Variants in XCR1 observed in about 807,000 individuals in gnomAD.
XCR1 encodes X-C motif chemokine receptor 1.
For synonymous variants in XCR1, 187 were observed against 188.5 expected (o/e 0.99, Z 0.06); for missense variants, 356 against 424.2 (o/e 0.84, Z 1.41).
chr3:46,083,117 G>A (rs115985316), intron 1 of XCR1, among the ~76,000 whole-genome samples: 109 of 152,266 alleles, frequency 7.2e-4, no homozygotes, highest in African/African-American at 2.6e-3. Flanking sequence ...TCACTGCTGC[G>A]TTACTCACTA....
intron 4 of XCR1, among the ~76,000 whole-genome samples, chr3:46,063,075 G>C (rs1697995772): frequency 6.6e-6 from 1 of 152,184 alleles, no homozygotes; most frequent in Non-Finnish European, 1.5e-5. Context: ...CATTTTCTTA[G>C]AATTGCTATT....
intron 1 of XCR1, among the ~76,000 whole-genome samples, chr3:46,078,134 G>A (rs1698293870): frequency 1.3e-5 from 2 of 152,132 alleles, no homozygotes; most frequent in Non-Finnish European, 2.9e-5. Flanking sequence ...GGCTGGATGC[G>A]GCACTCCCCA....
At chr3:46,024,863 A>G (rs1708255711) in intron 1 of XCR1, among the ~76,000 whole-genome samples, 1 of 152,232 alleles carries the variant, frequency 6.6e-6, no homozygotes, top group African/African-American at 2.4e-5. Context: ...AAGTAATGCT[A>G]GTTGGCAGTA....
intron 4 of XCR1, among the ~76,000 whole-genome samples, chr3:46,056,656 A>T (rs968468263): frequency 5.2e-4 from 64 of 123,060 alleles, no homozygotes; most frequent in Non-Finnish European, 1.0e-3. Context: ...GTATTTATTT[A>T]TTTTTTTTTT....
At chr3:46,023,544 A>T (rs992780850) in intron 1 of XCR1, 3 of 1,540,876 alleles carry the variant, frequency 1.9e-6, no homozygotes, top group Non-Finnish European at 1.8e-6. Flanking sequence ...GTGAGGAAAG[A>T]TTGAAAGCCT....
At chr3:46,027,386 A>G (rs1708317162) in intron 1 of XCR1, 31 bp downstream of exon 1, 1 of 152,148 alleles carries the variant, frequency 6.6e-6, no homozygotes, top group African/African-American at 2.4e-5. Context: ...AGAGGAAAAC[A>G]TAAGTTTAAA....
intron 5 of XCR1, among the ~76,000 whole-genome samples, chr3:46,048,091 G>C (rs1407946619): frequency 6.6e-6 from 1 of 152,168 alleles, no homozygotes; most frequent in Admixed American, 6.5e-5. Context: ...AGCTATGGCT[G>C]AGTGACGTTT....
chr3:46,061,719 G>A (rs1697966123), intron 4 of XCR1, among the ~76,000 whole-genome samples: 1 of 152,164 alleles, frequency 6.6e-6, no homozygotes, highest in Admixed American at 6.5e-5. Context: ...GGAATATGGG[G>A]AGTTAGAGGT....
At chr3:46,083,386 C>T (rs775382519) in intron 1 of XCR1, among the ~76,000 whole-genome samples, 5 of 152,174 alleles carry the variant, frequency 3.3e-5, no homozygotes, top group East Asian at 1.9e-4. Flanking sequence ...TAGGATATTT[C>T]GTTACCCTTC....
rs745493157 is a variant in XCR1 at position 46,021,290 on chromosome 3, G to A, written c.658C>T (p.Arg220Cys). The part of the protein sequence containing the change: ...RTLFRSRSKR[R>C]HRTVKLIFAI... ...AAGATGAGCTTGACCGTGCGGTGGC[G>A]CCGCTTGGAGCGTGAGCGGAACAGG... is the stretch of plus-strand genomic sequence containing the variant. Residue 220 changes from arginine (R) to cysteine (C), a missense_variant, in exon 2 of 2, where the codon CGC (arginine) becomes TGC (cysteine). Coordinates refer to ENST00000309285, the MANE Select transcript of XCR1 (RefSeq NM_001024644.2). The surrounding 1 kb of genome is among the most constrained non-coding windows in gnomAD (Gnocchi z 4.7). The A allele has an allele frequency of 3.0e-5, 49 of 1,614,030 alleles. No individual in the cohort carries two copies. Among genetic ancestry groups the A allele is most frequent in the East Asian group, 4.5e-5 (2 of 44,888 alleles).
At chr3:46,030,252 G>A (rs535135455), upstream of XCR1, among the ~76,000 whole-genome samples, 2 of 152,170 alleles carry the variant, frequency 1.3e-5, no homozygotes, top group Non-Finnish European at 2.9e-5. Flanking sequence ...CTGATCTTAG[G>A]AGAAAAGCTT....
intron 1 of XCR1, among the ~76,000 whole-genome samples, chr3:46,083,781 T>C (rs142431315): frequency 1.3e-5 from 2 of 152,342 alleles, no homozygotes; most frequent in East Asian, 3.9e-4. Context: ...TACCTCTTGT[T>C]GTATATACAT....
chr3:46,083,829 A>G (rs1485652174), intron 1 of XCR1, among the ~76,000 whole-genome samples: 2 of 152,224 alleles, frequency 1.3e-5, no homozygotes, highest in Non-Finnish European at 2.9e-5. Context: ...CCTAGGAAAA[A>G]TCAGGGAAGA....
Position 46,020,940 on chromosome 3 carries a change from G to T in XCR1, c.*6C>A. The stretch of plus-strand genomic sequence containing the variant: ...CTGCACCTGCGCCTGCACCGCCACA[G>T]GCCCCTCAGTAGAAGGAGGCGCCCT... On this transcript the variant is annotated 3_prime_UTR_variant, in exon 2 of 2. Coordinates refer to ENST00000309285, the MANE Select transcript of XCR1 (RefSeq NM_001024644.2). The T allele has an allele frequency of 6.2e-7, 1 of 1,609,956 alleles. No homozygotes were observed. Among genetic ancestry groups the T allele is most frequent in the South Asian group, 1.1e-5 (1 of 90,486 alleles).
chr3:46,084,337 T>A (rs187807491), intron 1 of XCR1, among the ~76,000 whole-genome samples: 4 of 152,354 alleles, frequency 2.6e-5, no homozygotes, highest in Non-Finnish European at 4.4e-5. Flanking sequence ...AGGAAACTTT[T>A]AATCATAGGA....
upstream of XCR1, among the ~76,000 whole-genome samples, chr3:46,029,657 C>G (rs1435796530): frequency 6.6e-6 from 1 of 152,160 alleles, no homozygotes; most frequent in African/African-American, 2.4e-5. Flanking sequence ...GATGCAAGGG[C>G]TAAAAAACCT....
At chr3:46,050,503 G>T (rs950741760) in intron 5 of XCR1, among the ~76,000 whole-genome samples, 1 of 152,116 alleles carries the variant, frequency 6.6e-6, no homozygotes, top group African/African-American at 2.4e-5. Context: ...ACAAGAGCTC[G>T]CTTTACTTCT....
chr3:46,042,234 A>G (rs1697548685), intron 5 of XCR1, among the ~76,000 whole-genome samples: 1 of 152,212 alleles, frequency 6.6e-6, no homozygotes, highest in South Asian at 2.1e-4. Flanking sequence ...AATATCTCAA[A>G]TCAACAACCT....
chr3:46,082,061 G>A (rs1698377558), intron 1 of XCR1, among the ~76,000 whole-genome samples: 1 of 152,136 alleles, frequency 6.6e-6, no homozygotes, highest in Admixed American at 6.5e-5. Context: ...AAACTTAAAG[G>A]CATTGATGCA....
Sources: gnomAD v4.1 joint callset for allele counts (sites outside exome capture counted in the v4.1 genomes callset) on GRCh38, gnomAD v4.1.1 for gene constraint, Gnocchi (gnomAD v3.1) non-coding constraint, MANE v1.5 for transcripts, NCBI Gene and HGNC (gene_info 2026-07-23, HGNC 2026-07-21) for gene names.